LIMCH1: variants seen among roughly 807,000 people sequenced by gnomAD.
LIMCH1 encodes the protein LIM and calponin homology domains 1, also known as LIM and calponin homology domains-containing protein 1.
Under a neutral mutation model 176.5 loss-of-function variants are expected in LIMCH1, and 113 were observed. The observed-to-expected ratio is 0.64, with a 90% CI of 0.55 to 0.75. The LOEUF is 0.75. Ranked by LOEUF, LIMCH1 falls within the 30% of genes least tolerant of loss-of-function variation. The pLI, the probability that LIMCH1 is intolerant of heterozygous loss-of-function variation, is 0.00. For synonymous variants in LIMCH1, 619 were observed against 645.9 expected, an observed-to-expected ratio of 0.96 and a Z score of 0.63; for missense variants, 1,674 against 1,814.9, an observed-to-expected ratio of 0.92 and a Z score of 1.41.
intron 1 of LIMCH1, among the ~76,000 whole-genome samples, chr4:41,557,603 T>G (rs1041587809): frequency 6.6e-6 from 1 of 151,176 alleles, no homozygotes; most frequent in Non-Finnish European, 1.5e-5. Flanking sequence ...GAATTCTTAA[T>G]AAAGGTGGCC....
chr4:41,698,166 T>G lies in LIMCH1; in HGVS notation c.*981T>G, dbSNP rs1471718482. The G allele has an allele frequency of 6.6e-6, 1 of 152,188 alleles. No homozygotes were observed. Among genetic ancestry groups the G allele is most frequent in the East Asian group, 1.9e-4 (1 of 5,178 alleles). 9.4% of individuals were successfully genotyped at this position (152,188 alleles called of 1,614,324 possible). On this transcript the variant is annotated 3_prime_UTR_variant, in exon 32 of 32. Coordinates refer to ENST00000503057, the MANE Select transcript of LIMCH1 (RefSeq NM_001330672.2). ...CTCACCCTTGCTGGCAAGTTCTCCT[T>G]AAGGGCCTGAAGCACAGGTGTCCAA...
intron 1 of LIMCH1, among the ~76,000 whole-genome samples, chr4:41,446,430 T>C (rs1488788227): frequency 6.6e-6 from 1 of 152,194 alleles, no homozygotes; most frequent in Non-Finnish European, 1.5e-5. Context: ...TTCACAAATA[T>C]ACGTAGTTAA....
At chr4:41,657,181 C>T (rs1338105693) in intron 18 of LIMCH1, among the ~76,000 whole-genome samples, 3 of 152,224 alleles carry the variant, frequency 2.0e-5, no homozygotes, top group Admixed American at 2.0e-4. Context: ...CATTCACGTC[C>T]AGGGATCTGT....
chr4:41,373,556 A>G (rs1443519742), intron 1 of LIMCH1, among the ~76,000 whole-genome samples: 1 of 152,266 alleles, frequency 6.6e-6, no homozygotes, highest in East Asian at 1.9e-4. Flanking sequence ...ATGAGAGCTT[A>G]TGGCCTGGCA....
At chr4:41,436,212 G>T (rs2062064178) in intron 1 of LIMCH1, among the ~76,000 whole-genome samples, 1 of 152,190 alleles carries the variant, frequency 6.6e-6, no homozygotes, top group African/African-American at 2.4e-5. Flanking sequence ...GGTTTGAGCT[G>T]TCTCCTTGCC....
At chr4:41,572,517 G>C (rs767222088) in intron 1 of LIMCH1, among the ~76,000 whole-genome samples, 7 of 152,168 alleles carry the variant, frequency 4.6e-5, no homozygotes, top group Non-Finnish European at 7.4e-5. Context: ...TAAATAAAAA[G>C]AAGGACCTCT....
intron 1 of LIMCH1, among the ~76,000 whole-genome samples, chr4:41,460,128 C>T (rs188600075): frequency 3.0e-4 from 46 of 152,040 alleles, no homozygotes; most frequent in Admixed American, 1.4e-3. Flanking sequence ...GACAGAGGAT[C>T]GGCACAGATA....
intron 1 of LIMCH1, among the ~76,000 whole-genome samples, chr4:41,379,665 A>T (rs563639912): frequency 6.6e-6 from 1 of 152,362 alleles, no homozygotes; most frequent in East Asian, 1.9e-4. Flanking sequence ...TTTTATATAT[A>T]AGGGATTCAA....
chr4:41,390,633 A>C (rs2154110675), intron 1 of LIMCH1, among the ~76,000 whole-genome samples: 1 of 152,336 alleles, frequency 6.6e-6, no homozygotes, highest in Non-Finnish European at 1.5e-5. Context: ...CTAACGTTGT[A>C]TCCTCTATTT....
intron 1 of LIMCH1, among the ~76,000 whole-genome samples, chr4:41,366,872 G>C (rs150908377): frequency 9.6e-4 from 146 of 152,170 alleles, no homozygotes; most frequent in South Asian, 2.1e-4. Context: ...ATAAAGATAC[G>C]ACCTGAGACT....
At chr4:41,557,546 C>CTGTGTATGTGTGTG (rs375027661) in intron 1 of LIMCH1, among the ~76,000 whole-genome samples, 7 of 147,842 alleles carry the variant, frequency 4.7e-5, no homozygotes, top group South Asian at 2.1e-4. Context: ...TTTATTGCCT[C>CTGTGTATGTGTGTG]TGTGTGTGTG....
intron 3 of LIMCH1, chr4:41,524,545 A>C (rs1407001145): frequency 8.9e-7 from 1 of 1,120,326 alleles, no homozygotes; most frequent in African/African-American, 1.6e-5. Context: ...TCATGACAGC[A>C]CCATTTATTA....
chr4:41,457,127 T>C (rs932654845), intron 1 of LIMCH1, among the ~76,000 whole-genome samples: 2 of 152,184 alleles, frequency 1.3e-5, no homozygotes, highest in African/African-American at 4.8e-5. Context: ...CTACAGTAGA[T>C]GTAACAAATC....
intron 1 of LIMCH1, among the ~76,000 whole-genome samples, chr4:41,443,099 G>T: frequency 6.7e-6 from 1 of 149,792 alleles, no homozygotes; most frequent in Non-Finnish European, 1.5e-5. Context: ...GCAAGCAACA[G>T]TTTCACTTTT....
chr4:41,664,345 TAGTCAAC>T (rs1188911822), intron 20 of LIMCH1, among the ~76,000 whole-genome samples: 2 of 152,238 alleles, frequency 1.3e-5, no homozygotes, highest in African/African-American at 4.8e-5. Context: ...AGGTACTGGA[TAGTCAAC>T]AGTGAACATG....
At chr4:41,392,997 T>C (rs2057413431) in intron 1 of LIMCH1, among the ~76,000 whole-genome samples, 1 of 152,028 alleles carries the variant, frequency 6.6e-6, no homozygotes, top group Admixed American at 6.6e-5. Flanking sequence ...GCCGCTGCAC[T>C]CCAGCCTGGG....
chr4:41,639,018 A>C (rs1327713551), intron 14 of LIMCH1, 51 bp downstream of exon 14: 3 of 1,373,642 alleles, frequency 2.2e-6, no homozygotes, highest in Non-Finnish European at 2.0e-6. Flanking sequence ...CCTAAACTGC[A>C]TGCTTCCAGT....
chr4:41,423,012 C>G (rs984799030), intron 1 of LIMCH1, among the ~76,000 whole-genome samples: 5 of 152,146 alleles, frequency 3.3e-5, no homozygotes, highest in African/African-American at 1.2e-4. Flanking sequence ...TCCGCCTTGG[C>G]CTCCCAAAGT....
intron 20 of LIMCH1, 61 bp from the exon 21 acceptor site, chr4:41,666,500 C>A: frequency 1.0e-6 from 1 of 989,924 alleles, no homozygotes; most frequent in Non-Finnish European, 1.6e-6. Flanking sequence ...AATTGTGTGT[C>A]ACCTGTGCAT....
Sources: allele counts gnomAD v4.1 joint callset (sites outside exome capture counted in the v4.1 genomes callset), GRCh38; gene constraint gnomAD v4.1.1; transcripts MANE v1.5; gene names NCBI Gene and HGNC (gene_info 2026-07-23, HGNC 2026-07-21).